Variants in TLN2 observed in about 807,000 individuals in gnomAD.
TLN2 encodes the protein talin-2.
In TLN2, 118 loss-of-function variants were observed where a neutral mutation model predicts 294.7. The observed-to-expected ratio is 0.40, with a 90% CI of 0.34 to 0.47. The LOEUF is 0.47. TLN2 is among the 20% of genes least tolerant of loss of function. The probability of loss-of-function intolerance (pLI) is 0.84; values close to 1 mark genes in which losing one functional copy is unlikely to be tolerated. For missense variants in TLN2, 3,083 were observed against 3,282.2 expected, an observed-to-expected ratio of 0.94 and a Z score of 1.48; for synonymous variants, 1,431 against 1,304.5, an observed-to-expected ratio of 1.10 and a Z score of -2.09.
At chr15:62,659,706 T>C (rs1313833116) in intron 9 of TLN2, among the ~76,000 whole-genome samples, 1 of 152,226 alleles carries the variant, frequency 6.6e-6, no homozygotes, top group Non-Finnish European at 1.5e-5. Flanking sequence ...GTACCCTTAT[T>C]CAGATTCCAA....
chr15:62,651,971 A>C (rs780590030), intron 5 of TLN2, 34 bp from the exon 6 acceptor site: 1 of 1,537,712 alleles, frequency 6.5e-7, no homozygotes, highest in Non-Finnish European at 8.8e-7. Context: ...TTTTCCCCAC[A>C]CAGTGTGAAA....
chr15:62,395,398 T>C (rs1455597341), intron 1 of TLN2, among the ~76,000 whole-genome samples: 1 of 152,098 alleles, frequency 6.6e-6, no homozygotes, highest in Non-Finnish European at 1.5e-5. Context: ...TAAAAACAGA[T>C]ATTATTTCCT....
chr15:62,792,814 C>T (rs749658561), intron 46 of TLN2, 27 bp downstream of exon 46: 2 of 1,612,318 alleles, frequency 1.2e-6, no homozygotes, highest in Non-Finnish European at 1.7e-6. Context: ...AGTTTAGAGT[C>T]ACAAGAACCT....
Position 62,456,450 on chromosome 15 carries a change from T to A in TLN2, c.-238+65765T>A, listed in dbSNP as rs2036488792. Among the ~76,000 whole-genome samples, 4 of 152,322 alleles carry A rather than the reference T, an allele frequency of 2.6e-5. No homozygotes were observed. In the South Asian group the frequency reaches 8.3e-4, roughly 32 times the overall value. On this transcript the variant is annotated intron_variant, in intron 1 of 58. Coordinates refer to ENST00000636159, the MANE Select transcript of TLN2 (RefSeq NM_015059.3). ...GGACCTGAGGGATTTATGTGTTCCC[T>A]GGGTGTGCGTCTTGTGCAGGCGACT...
intron 12 of TLN2, among the ~76,000 whole-genome samples, chr15:62,688,648 GCT>G (rs1454389939): frequency 6.6e-6 from 1 of 152,018 alleles, no homozygotes; most frequent in African/African-American, 2.4e-5. Context: ...TTTTCTTTCA[GCT>G]CTCAGTTTTT....
chr15:62,518,174 G>T lies in TLN2; in HGVS notation c.-237-71513G>T, dbSNP rs2040276726. Among the ~76,000 whole-genome samples the T allele has an allele frequency of 2.0e-5, 3 of 152,126 alleles. No individual in the cohort carries two copies. In the South Asian group the frequency reaches 6.2e-4, roughly 32 times the overall value. ...CTGTCTCAGCCTCCTGAGTAGTTGGGACTACAGGCATGCGTCACCACGTCC... is the reference window on the plus strand; with the variant it reads ...CTGTCTCAGCCTCCTGAGTAGTTGGTACTACAGGCATGCGTCACCACGTCC... On this transcript the variant is annotated intron_variant, in intron 1 of 58. Coordinates refer to ENST00000636159, the MANE Select transcript of TLN2 (RefSeq NM_015059.3).
rs1235380418 is a variant in TLN2, at chr15:62,707,224, T to C, written c.2143T>C (p.Ser715Pro). The C allele has an allele frequency of 1.9e-6, 3 of 1,612,944 alleles. No homozygotes were observed. The South Asian group carries it at 3.3e-5, about 18-fold the overall frequency. ...VIAAATQCAL[S>P]TSQLVACAKV... ...TGCTGCTGCCACCCAGTGTGCCCTC[T>C]CCACCTCCCAGCTTGTGGCATGTGC... Residue 715 changes from serine (S) to proline (P), a missense_variant, in exon 20 of 59, where the codon TCC becomes CCC. By Grantham distance (74) the Ser-to-Pro change is moderately conservative. Coordinates refer to ENST00000636159, the MANE Select transcript of TLN2 (RefSeq NM_015059.3).
intron 1 of TLN2, among the ~76,000 whole-genome samples, chr15:62,562,797 T>C (rs2043070322): frequency 6.6e-6 from 1 of 152,026 alleles, no homozygotes; most frequent in Admixed American, 6.6e-5. Flanking sequence ...TATATGATGT[T>C]TGGTTTTCCA....
chr15:62,706,723 GAT>G (rs1424125120), intron 19 of TLN2, among the ~76,000 whole-genome samples: 1 of 152,192 alleles, frequency 6.6e-6, no homozygotes, highest in East Asian at 1.9e-4. Context: ...GTGGCATCTG[GAT>G]ATGTTTTCAG....
rs1479785140 is a variant in TLN2, at chr15:62,717,574, AG to A, written c.2764del. On this transcript the variant is annotated splice_acceptor_variant, in intron 23 of 58. Coordinates refer to ENST00000636159, the MANE Select transcript of TLN2 (RefSeq NM_015059.3). LOFTEE classifies it high-confidence loss of function. ...CCTGACTCATCTATCACTCCTCTGC[AG>A]GTTGCAGCCAAGCAGGCCGCAGCGG... is the stretch of plus-strand genomic sequence containing the variant. The A allele has an allele frequency of 6.4e-7, 1 of 1,555,470 alleles. No homozygotes were observed. Among genetic ancestry groups the A allele is most frequent in the South Asian group, 1.2e-5 (1 of 80,338 alleles).
chr15:62,571,421 G>C (rs537849607), intron 1 of TLN2, among the ~76,000 whole-genome samples: 1 of 152,170 alleles, frequency 6.6e-6, no homozygotes, highest in Non-Finnish European at 1.5e-5. Flanking sequence ...TGCTTCTTTA[G>C]AAAACTTAAT....
intron 10 of TLN2, 34 bp from the exon 11 acceptor site, chr15:62,675,183 C>G (rs1053183624): frequency 1.9e-6 from 3 of 1,602,126 alleles, no homozygotes; most frequent in Non-Finnish European, 2.6e-6. Flanking sequence ...GGCAGAGATG[C>G]AATAACTGGT....
chr15:62,582,140 C>T (rs1332960196), intron 1 of TLN2, among the ~76,000 whole-genome samples: 2 of 147,860 alleles, frequency 1.4e-5, no homozygotes, highest in African/African-American at 5.0e-5. Flanking sequence ...CCTTGAAGTC[C>T]CAGGGAGAAT....
rs137871004 is a variant in TLN2, at chr15:62,620,502, CT to C, written c.-37+2037del. ...CCGCCCCACACCCTTTTCTTTCTTTCTTTTTTTTTTCTGTTGCCTAAGCTGG... is the reference window on the plus strand; with the variant it reads ...CCGCCCCACACCCTTTTCTTTCTTTCTTTTTTTTTCTGTTGCCTAAGCTGG... On this transcript the variant is annotated intron_variant, in intron 3 of 58. Transcript: ENST00000636159. Among the ~76,000 whole-genome samples, 37 of 136,814 alleles carry C rather than the reference CT, an allele frequency of 2.7e-4. 1 individual carries two copies. Among genetic ancestry groups the C allele is most frequent in the South Asian group, 1.1e-3 (4 of 3,696 alleles). The allele number at this position is 136,814 out of a possible 152,430, so 89.8% of individuals were successfully genotyped here.
rs749722374 is a variant in TLN2, at chr15:62,607,913, T to C, written c.-161-10438T>C. On this transcript the variant is annotated intron_variant, in intron 2 of 58. Coordinates refer to ENST00000636159, the MANE Select transcript of TLN2 (RefSeq NM_015059.3). ...TGCTGCCTGCTTGACTGTGAACAAG[T>C]GTTTCCCTTCTTTGCTAATGTCTAA... 1.2e-3 allele frequency among the ~76,000 whole-genome samples: 184 copies of C among 152,312 alleles called. 1 individual carries two copies. The highest frequency in any genetic ancestry group is 6.6e-4 in the Non-Finnish European group (45 of 68,028).
At chr15:62,496,864 T>A (rs1351813177) in intron 1 of TLN2, among the ~76,000 whole-genome samples, 2 of 152,204 alleles carry the variant, frequency 1.3e-5, no homozygotes, top group African/African-American at 4.8e-5. Context: ...TATACTTAAT[T>A]TGTAAAATGA....
chr15:62,606,496 C>A (rs2047460134), intron 2 of TLN2, among the ~76,000 whole-genome samples: 1 of 152,082 alleles, frequency 6.6e-6, no homozygotes, highest in African/African-American at 2.4e-5. Context: ...TCCAGCTAGG[C>A]CTAATAGTAT....
chr15:62,639,530 G>C (rs2050766392), intron 3 of TLN2, among the ~76,000 whole-genome samples: 1 of 152,180 alleles, frequency 6.6e-6, no homozygotes, highest in Admixed American at 6.5e-5. Context: ...CCTCCATAAG[G>C]GAGAACTGAG....
At chr15:62,488,612 A>G (rs1414317022) in intron 1 of TLN2, among the ~76,000 whole-genome samples, 1 of 152,252 alleles carries the variant, frequency 6.6e-6, no homozygotes, top group East Asian at 1.9e-4. Flanking sequence ...AATTAAAACA[A>G]AACTTGGATG....
Sources: gnomAD v4.1 joint callset for allele counts (sites outside exome capture counted in the v4.1 genomes callset) on GRCh38, gnomAD v4.1.1 for gene constraint, MANE v1.5 for transcripts, NCBI Gene and HGNC (gene_info 2026-07-23, HGNC 2026-07-21) for gene names.